FOXN3: variants seen among roughly 807,000 people sequenced by gnomAD.
The protein encoded by FOXN3 is forkhead box N3.
FOXN3 carries 7 observed loss-of-function variants against 38.4 expected under a neutral mutation model. That is an observed-to-expected ratio of 0.18 (90% CI 0.10 to 0.34). The LOEUF is 0.34. Ranked by LOEUF, FOXN3 falls within the 10% of genes least tolerant of loss-of-function variation. The pLI, the probability that FOXN3 is intolerant of heterozygous loss-of-function variation, is 1.00. For synonymous variants in FOXN3, 230 were observed against 242.2 expected, an observed-to-expected ratio of 0.95 and a Z score of 0.47; for missense variants, 456 against 613.4, an observed-to-expected ratio of 0.74 and a Z score of 2.71.
chr14:89,385,499 T>TAAAAA lies in FOXN3; in HGVS notation c.543+26430_543+26434dup, dbSNP rs10681650. ...AATAACAAAAGCTGAGGCAAACATT[T>TAAAAA]AAAAAAAAAAAAAAAAAAAAAAGGA... is the stretch of plus-strand genomic sequence containing the variant. On this transcript the variant is annotated intron_variant, in intron 2 of 5. Coordinates refer to ENST00000557258, the MANE Select transcript of FOXN3 (RefSeq NM_005197.4). Among the ~76,000 whole-genome samples the TAAAAA allele has an allele frequency of 5.5e-5, 6 of 108,814 alleles. 1 individual carries two copies. The highest frequency in any genetic ancestry group is 9.1e-5 in the Non-Finnish European group (5 of 54,718). The allele number at this position is 108,814 out of a possible 152,430, so 71.4% of individuals were successfully genotyped here. A position where few individuals can be genotyped will look rare whatever the true frequency, so the allele number is the denominator to read the frequency against.
At chr14:89,583,220 G>T (rs1416984718) in intron 1 of FOXN3, among the ~76,000 whole-genome samples, 1 of 152,168 alleles carries the variant, frequency 6.6e-6, no homozygotes, top group Admixed American at 6.6e-5. Context: ...TGATTGCTAT[G>T]GCTTGAATGT....
rs190827136 is a variant in FOXN3, at chr14:89,372,221, G to A, written c.544-21413C>T. ...AGGCAGGAAAAAAAAATATGCCACC[G>A]AAACTACCATAATAATTTACTATCC... On this transcript the variant is annotated intron_variant, in intron 2 of 5. Transcript: ENST00000557258. Among the ~76,000 whole-genome samples the A allele has an allele frequency of 4.1e-3, 627 of 152,012 alleles. 4 individuals carry two copies. Among genetic ancestry groups the A allele is most frequent in the Middle Eastern group, 0.024 (7 of 294 alleles).
chr14:89,397,977 G>A (rs1891144344), intron 2 of FOXN3, among the ~76,000 whole-genome samples: 1 of 152,124 alleles, frequency 6.6e-6, no homozygotes, highest in Non-Finnish European at 1.5e-5. Context: ...GATGACTCAA[G>A]GGACCTCCTC....
chr14:89,339,624 G>GCGGGCAGGAT, intron 3 of FOXN3, among the ~76,000 whole-genome samples: 1 of 152,354 alleles, frequency 6.6e-6, no homozygotes, highest in South Asian at 2.1e-4. Flanking sequence ...CTGCTCTACT[G>GCGGGCAGGAT]CGGGCAGGAT....
At chr14:89,245,575 T>G (rs1885269619) in intron 4 of FOXN3, among the ~76,000 whole-genome samples, 1 of 152,142 alleles carries the variant, frequency 6.6e-6, no homozygotes, top group African/African-American at 2.4e-5. Context: ...TTATATCGTT[T>G]CTCAGCCTCA....
At chr14:89,176,194 A>G (rs1224282612) in intron 5 of FOXN3, among the ~76,000 whole-genome samples, 1 of 152,254 alleles carries the variant, frequency 6.6e-6, no homozygotes, top group Non-Finnish European at 1.5e-5. Context: ...AGTCAATTAC[A>G]CTATTGACAG....
chr14:89,512,168 A>G (rs948507695), intron 1 of FOXN3, among the ~76,000 whole-genome samples: 3 of 152,236 alleles, frequency 2.0e-5, no homozygotes, highest in African/African-American at 7.2e-5. Flanking sequence ...AGAGCAGGAC[A>G]TGAAGCCATA....
chr14:89,557,546 C>T (rs1017918614), intron 1 of FOXN3, among the ~76,000 whole-genome samples: 7 of 152,276 alleles, frequency 4.6e-5, no homozygotes, highest in Admixed American at 3.9e-4. Context: ...TCCTGGACTA[C>T]GGCTTGACCT....
Position 89,533,661 on chromosome 14 carries a change from CAAAAAAAAAAAAAAAAA to C in FOXN3, c.-15+85350_-15+85366del, listed in dbSNP as rs34194637. On this transcript the variant is annotated intron_variant, in intron 1 of 6. Coordinates refer to the FOXN3 transcript ENST00000345097. ...TGGGTGACAGAGGGAGACTCTGTCT[CAAAAAAAAAAAAAAAAA>C]AAAAAAAAAAAAAAGTTAGTGAGTT... is the stretch of plus-strand genomic sequence containing the variant. Among the ~76,000 whole-genome samples the C allele has an allele frequency of 4.5e-5, 3 of 65,936 alleles. No individual in the cohort carries two copies. In the South Asian group the frequency reaches 2.6e-3, roughly 57 times the overall value. The allele number at this position is 65,936 out of a possible 152,430, so 43.3% of individuals were successfully genotyped here. A position where few individuals can be genotyped will look rare whatever the true frequency, so the allele number is the denominator to read the frequency against.
intron 1 of FOXN3, among the ~76,000 whole-genome samples, chr14:89,592,348 C>A (rs1895974040): frequency 1.3e-5 from 2 of 152,114 alleles, no homozygotes; most frequent in Non-Finnish European, 1.5e-5. Context: ...TCCACAAGAA[C>A]CTTCCCTAGA....
intron 1 of FOXN3, among the ~76,000 whole-genome samples, chr14:89,445,272 C>A (rs1218083619): frequency 6.6e-6 from 1 of 152,148 alleles, no homozygotes; most frequent in African/African-American, 2.4e-5. Context: ...ATGGTGACTA[C>A]CTATTTCAAG....
At position 89,439,903 on chromosome 14, in the gene FOXN3, C is replaced by T. The variant is rs959594958; in HGVS notation, c.-14-27413G>A. 5.3e-5 allele frequency among the ~76,000 whole-genome samples: 8 copies of T among 152,180 alleles called. No individual in the cohort carries two copies. In the East Asian group the frequency reaches 5.8e-4, roughly 11 times the overall value. The stretch of plus-strand genomic sequence containing the variant: ...TCTCCTGACGTCGTGATCCACCCGC[C>T]TCGGCCTCCCAAAGTGCTGGGATTA... On this transcript the variant is annotated intron_variant, in intron 1 of 6. Coordinates refer to the FOXN3 transcript ENST00000345097.
chr14:89,182,009 T>C (rs966327295), intron 4 of FOXN3, among the ~76,000 whole-genome samples: 1 of 152,166 alleles, frequency 6.6e-6, no homozygotes, highest in African/African-American at 2.4e-5. Flanking sequence ...GCTGTGCCCA[T>C]ATAGTCCCTG....
rs1183071984 is a variant in FOXN3, at chr14:89,332,684, C to A, written c.680+17988G>T. Among the ~76,000 whole-genome samples, 5 of 152,234 alleles carry A rather than the reference C, an allele frequency of 3.3e-5. No homozygotes were observed. The East Asian group carries it at 9.6e-4, about 29-fold the overall frequency. On this transcript the variant is annotated intron_variant, in intron 3 of 5. Transcript: ENST00000557258. Reference sequence around the variant, plus strand: ...GGATACGACACCAAAAGTACAGGCACAAAAGCAAACATAAGTGGGACTACA... The same window carrying A: ...GGATACGACACCAAAAGTACAGGCAAAAAAGCAAACATAAGTGGGACTACA...
intron 3 of FOXN3, among the ~76,000 whole-genome samples, chr14:89,343,388 T>C (rs1319955485): frequency 6.6e-6 from 1 of 152,044 alleles, no homozygotes; most frequent in East Asian, 1.9e-4. Context: ...ATTATTTACC[T>C]GGTGAACAAT....
At chr14:89,609,629 G>C (rs1194786677) in intron 1 of FOXN3, among the ~76,000 whole-genome samples, 4 of 152,068 alleles carry the variant, frequency 2.6e-5, no homozygotes, top group African/African-American at 9.7e-5. Flanking sequence ...CCTAGGACTT[G>C]AGTCTTAGGT....
At chr14:89,528,966 C>T (rs1160587055) in intron 1 of FOXN3, among the ~76,000 whole-genome samples, 1 of 152,008 alleles carries the variant, frequency 6.6e-6, no homozygotes, top group East Asian at 1.9e-4. Flanking sequence ...CGGATGTACA[C>T]ATACATCAAG....
At chr14:89,522,089 A>G (rs977869632) in intron 1 of FOXN3, among the ~76,000 whole-genome samples, 7 of 152,082 alleles carry the variant, frequency 4.6e-5, no homozygotes, top group Admixed American at 1.3e-4. Flanking sequence ...ATCATAAACA[A>G]TACAAATCAG....
intron 1 of FOXN3, among the ~76,000 whole-genome samples, chr14:89,559,228 A>G (rs1313141500): frequency 6.6e-6 from 1 of 152,100 alleles, no homozygotes; most frequent in Non-Finnish European, 1.5e-5. Flanking sequence ...AAAAATACAA[A>G]AATGTGCCAG....
Sources: allele counts gnomAD v4.1 joint callset (sites outside exome capture counted in the v4.1 genomes callset), GRCh38; gene constraint gnomAD v4.1.1; transcripts MANE v1.5; gene names NCBI Gene and HGNC (gene_info 2026-07-23, HGNC 2026-07-21).